Variants in DHX30 observed in about 807,000 individuals in gnomAD.
The protein encoded by DHX30 is ATP-dependent RNA helicase DHX30.
In DHX30, 4 loss-of-function variants were observed where a neutral mutation model predicts 116.9. The ratio of observed to expected loss-of-function variants is 0.03; its 90% confidence interval spans 0.02 to 0.08. The LOEUF is 0.08. DHX30 is among the 10% of genes least tolerant of loss of function. DHX30 has a pLI of 1.00. For synonymous variants in DHX30, 697 were observed against 651.7 expected (o/e 1.07, Z -1.06); for missense variants, 871 against 1,595.1 (o/e 0.55, Z 7.73).
At chr3:47,830,065 T>C (rs2036771569) in intron 6 of DHX30, among the ~76,000 whole-genome samples, 1 of 151,528 alleles carries the variant, frequency 6.6e-6, no homozygotes, top group Admixed American at 6.6e-5. Context: ...CTCCTGACTT[T>C]GTGATCTGCC....
intron 6 of DHX30, among the ~76,000 whole-genome samples, chr3:47,829,582 G>A (rs1162979351): frequency 6.6e-6 from 1 of 151,724 alleles, no homozygotes; most frequent in Non-Finnish European, 1.5e-5. Context: ...GACCTCAAGT[G>A]ATCCACCTGC....
At chr3:47,816,343 A>G (rs1049031669) in intron 3 of DHX30, 16 of 981,824 alleles carry the variant, frequency 1.6e-5, no homozygotes, top group African/African-American at 1.8e-5. Context: ...GCAAATGTAC[A>G]AAGAGCCGTC....
At chr3:47,830,781 G>A (rs1274825693) in intron 6 of DHX30, 2 of 152,246 alleles carry the variant, frequency 1.3e-5, no homozygotes, top group African/African-American at 4.8e-5. Context: ...TTTTTGTAGA[G>A]ATGGGGTTTT....
intron 4 of DHX30, among the ~76,000 whole-genome samples, chr3:47,825,571 T>C (rs1450921129): frequency 7.2e-5 from 11 of 152,200 alleles, no homozygotes; most frequent in Admixed American, 7.2e-4. Context: ...AAGCATGCCC[T>C]CACCAGTGTG....
At chr3:47,825,845 C>G (rs904762971) in intron 4 of DHX30, 2 of 152,238 alleles carry the variant, frequency 1.3e-5, no homozygotes, top group African/African-American at 4.8e-5. Context: ...GACGAAACCC[C>G]CCCCGCCCCG....
chr3:47,840,745 G>T, intron 6 of DHX30, 132 bp from the exon 7 acceptor site: 1 of 1,077,630 alleles, frequency 9.3e-7, no homozygotes, highest in Non-Finnish European at 1.3e-6. Context: ...TTCTGGACTA[G>T]GGGCTGAAGT....
chr3:47,848,544 G>A lies in DHX30; in HGVS notation c.2569G>A (p.Glu857Lys). 1 of 1,605,962 alleles carries A rather than the reference G, an allele frequency of 6.2e-7. No individual in the cohort carries two copies. The highest frequency in any genetic ancestry group is 8.5e-7 in the Non-Finnish European group (1 of 1,174,726). The change falls in exon 16 of 22, where the codon GAG becomes AAG. Residue 857 changes from glutamate to lysine, a missense_variant. This residue lies in a region of DHX30 where 238 missense variants were observed against 481.0 expected (regional missense o/e 0.49). Transcript: ENST00000445061. The surrounding 1 kb of genome is among the most constrained non-coding windows in gnomAD (Gnocchi z 9.4). ...AVDEAVILLQ[E>K]IGVLDQREYL... Reference sequence around the variant, plus strand: ...GGACGAGGCTGTGATCTTGCTCCAGGAGATCGGTATGTAGGGGCTGGGCTG... The same window carrying A: ...GGACGAGGCTGTGATCTTGCTCCAGAAGATCGGTATGTAGGGGCTGGGCTG...
At chr3:47,825,321 C>T (rs2036503393) in intron 4 of DHX30, 5 of 535,726 alleles carry the variant, frequency 9.3e-6, no homozygotes, top group South Asian at 9.3e-5. Context: ...GGGCGCGGGC[C>T]GAAATCGGGC....
intron 6 of DHX30, among the ~76,000 whole-genome samples, chr3:47,836,047 A>G (rs1045658900): frequency 6.6e-6 from 1 of 152,228 alleles, no homozygotes; most frequent in African/African-American, 2.4e-5. Context: ...CAAAATAGCA[A>G]TTATGCTGAA....
chr3:47,816,409 G>T (rs1031919591), intron 3 of DHX30: 2 of 980,924 alleles, frequency 2.0e-6, no homozygotes, highest in African/African-American at 3.6e-5. Context: ...CCAGGCTGGA[G>T]TGCAATGGCG....
chr3:47,829,003 T>C (rs1342195334), intron 5 of DHX30, 21 bp from the exon 6 acceptor site: 1 of 1,526,574 alleles, frequency 6.6e-7, no homozygotes, highest in Admixed American at 1.7e-5. Flanking sequence ...AGACTTCTGA[T>C]TTCTCTCTTC....
At chr3:47,824,324 G>A (rs1049782849) in intron 4 of DHX30, among the ~76,000 whole-genome samples, 2 of 151,996 alleles carry the variant, frequency 1.3e-5, no homozygotes, top group Admixed American at 1.3e-4. Flanking sequence ...TTTCACTGCT[G>A]GACTTTACGC....
chr3:47,834,624 C>T (rs941457160), intron 6 of DHX30, among the ~76,000 whole-genome samples: 3 of 151,954 alleles, frequency 2.0e-5, no homozygotes, highest in Admixed American at 6.6e-5. Context: ...TGTGCGCCAC[C>T]ACACCTGGCT....
chr3:47,839,280 C>CCT (rs2037256637), intron 6 of DHX30, among the ~76,000 whole-genome samples: 1 of 129,806 alleles, frequency 7.7e-6, no homozygotes, highest in South Asian at 2.5e-4. Context: ...CTTATATTCT[C>CCT]TTTTTTTTTT....
chr3:47,825,694 T>A (rs1334216693), intron 4 of DHX30, among the ~76,000 whole-genome samples: 1 of 152,038 alleles, frequency 6.6e-6, no homozygotes, highest in African/African-American at 2.4e-5. Context: ...ATAAAACTGT[T>A]GAAAGCATCA....
intron 3 of DHX30, among the ~76,000 whole-genome samples, 188 bp from the exon 4 acceptor site, chr3:47,817,834 T>C (rs1028899102): frequency 6.6e-6 from 1 of 152,164 alleles, no homozygotes; most frequent in African/African-American, 2.4e-5. Context: ...TCACATCATA[T>C]GAGACGCTTG....
chr3:47,824,711 C>T, intron 4 of DHX30: 1 of 250,522 alleles, frequency 4.0e-6, no homozygotes. Context: ...AGGGAACTAA[C>T]TTCGCTTCCT....
chr3:47,816,285 AAG>A, intron 3 of DHX30: 1 of 985,268 alleles, frequency 1.0e-6, no homozygotes, highest in Non-Finnish European at 1.2e-6. Context: ...GGTGCTTGGG[AAG>A]ATGCTTTGGA....
intron 6 of DHX30, among the ~76,000 whole-genome samples, chr3:47,834,457 A>G (rs368086741): frequency 6.6e-6 from 1 of 151,658 alleles, no homozygotes; most frequent in Non-Finnish European, 1.5e-5. Context: ...TTCCAGGTTT[A>G]TCCATGTTTT....
Sources: allele counts gnomAD v4.1 joint callset (sites outside exome capture counted in the v4.1 genomes callset), GRCh38; gene constraint gnomAD v4.1.1; regional missense constraint gnomAD v4.1.1; non-coding constraint Gnocchi (gnomAD v3.1); transcripts MANE v1.5; gene names NCBI Gene and HGNC (gene_info 2026-07-23, HGNC 2026-07-21).